SRP72: variants seen among roughly 807,000 people sequenced by gnomAD.
SRP72 encodes signal recognition particle 72.
A neutral mutation model predicts 96.3 loss-of-function variants in SRP72; 49 were observed. That is an observed-to-expected ratio of 0.51 (90% CI 0.40 to 0.65). The LOEUF (loss-of-function observed/expected upper bound fraction) is 0.65, where lower values mean the gene tolerates loss of function less well. SRP72 is among the 30% of genes least tolerant of loss of function. SRP72 has a pLI of 0.00. For missense variants in SRP72, 736 were observed against 793.3 expected, an observed-to-expected ratio of 0.93 and a Z score of 0.87; for synonymous variants, 267 against 275.2, an observed-to-expected ratio of 0.97 and a Z score of 0.30.
intron 3 of SRP72, among the ~76,000 whole-genome samples, chr4:56,473,469 AAG>A (rs1182318888): frequency 6.6e-6 from 1 of 150,390 alleles, no homozygotes; most frequent in African/African-American, 2.4e-5. Flanking sequence ...AAAAAAAAAA[AAG>A]AAAATCAGTT....
intron 3 of SRP72, 127 bp downstream of exon 3, chr4:56,471,970 C>A: frequency 9.0e-7 from 1 of 1,110,722 alleles, no homozygotes; most frequent in Non-Finnish European, 1.3e-6. Flanking sequence ...CAAACCAGTC[C>A]TTAAGGTTTG....
intron 17 of SRP72, 46 bp downstream of exon 17, chr4:56,495,440 T>C: frequency 7.6e-7 from 1 of 1,313,960 alleles, no homozygotes; most frequent in Non-Finnish European, 1.1e-6. Context: ...AAAATAAATG[T>C]TTGATTTTAG....
At chr4:56,498,576 C>T (rs1721157450) in intron 17 of SRP72, among the ~76,000 whole-genome samples, 1 of 152,224 alleles carries the variant, frequency 6.6e-6, no homozygotes, top group South Asian at 2.1e-4. Context: ...AGCAAAGTCT[C>T]AGGACACAAA....
At position 56,490,443 on chromosome 4, in the gene SRP72, T is replaced by G. The variant is rs531602324; in HGVS notation, c.1424+7T>G. On this transcript the variant is annotated splice_region_variant and intron_variant, in intron 14 of 18. Coordinates refer to ENST00000642900, the MANE Select transcript of SRP72 (RefSeq NM_006947.4). ...ACCTACAACAGCTGTGGAAGTAAGC[T>G]CTGAAACGTGGAGTTGTAGAAATAA... 3.7e-6 allele frequency: 6 copies of G among 1,612,586 alleles called. No individual in the cohort carries two copies. The highest frequency in any genetic ancestry group is 1.3e-5 in the African/African-American group (1 of 74,978).
chr4:56,474,639 G>C (rs956174080), intron 5 of SRP72: 22 of 529,192 alleles, frequency 4.2e-5, no homozygotes, highest in African/African-American at 3.5e-4. Flanking sequence ...TGTCTCCCGA[G>C]TTCAAGCAAT....
At chr4:56,469,426 T>C (rs1482942190) in intron 1 of SRP72, among the ~76,000 whole-genome samples, 1 of 152,220 alleles carries the variant, frequency 6.6e-6, no homozygotes, top group East Asian at 1.9e-4. Context: ...TCATTGAAAA[T>C]TTAATCTATA....
chr4:56,479,382 T>A lies in SRP72; in HGVS notation c.825+733T>A, dbSNP rs556548445. On this transcript the variant is annotated intron_variant, in intron 8 of 18. Coordinates refer to ENST00000642900, the MANE Select transcript of SRP72 (RefSeq NM_006947.4). The stretch of plus-strand genomic sequence containing the variant: ...TTTTAGTAGAGACGGGGTTTCACCA[T>A]GTTAGCCAGGATGTTCTCATTCTCC... 1.4e-4 allele frequency among the ~76,000 whole-genome samples: 21 copies of A among 152,240 alleles called. No individual in the cohort carries two copies. The South Asian group carries it at 4.1e-3, about 30-fold the overall frequency.
intron 2 of SRP72, among the ~76,000 whole-genome samples, chr4:56,470,415 C>T (rs891416692): frequency 6.6e-6 from 1 of 151,990 alleles, no homozygotes; most frequent in Non-Finnish European, 1.5e-5. Context: ...TGGTGTGCAC[C>T]TGTATTCCCA....
chr4:56,477,293 C>CAGAG (rs1720271687), intron 6 of SRP72: 2 of 111,766 alleles, frequency 1.8e-5, no homozygotes, highest in Non-Finnish European at 3.6e-5. Flanking sequence ...TTCTCTCTCT[C>CAGAG]TCTCTCTCTT....
At chr4:56,470,903 G>A (rs578049679) in intron 2 of SRP72, among the ~76,000 whole-genome samples, 3 of 147,810 alleles carry the variant, frequency 2.0e-5, no homozygotes, top group East Asian at 2.0e-4. Context: ...CCGGGTTCAC[G>A]CGATTCTCCT....
At chr4:56,479,356 T>C (rs747981834) in intron 8 of SRP72, among the ~76,000 whole-genome samples, 60 of 151,998 alleles carry the variant, frequency 3.9e-4, no homozygotes, top group Non-Finnish European at 6.8e-4. Flanking sequence ...ATTTTTCGTA[T>C]TTTTAGTAGA....
intron 8 of SRP72, among the ~76,000 whole-genome samples, chr4:56,481,255 T>C (rs1720473189): frequency 6.6e-6 from 1 of 152,224 alleles, no homozygotes; most frequent in Admixed American, 6.5e-5. Context: ...CCTTTTTGTC[T>C]TTAAACTGGT....
At chr4:56,501,537 C>A in intron 18 of SRP72, 147 bp from the exon 19 acceptor site, 1 of 640,782 alleles carries the variant, frequency 1.6e-6, no homozygotes, top group Non-Finnish European at 2.7e-6. Context: ...AAAGAAAAGT[C>A]GATAGGGAGT....
intron 6 of SRP72, among the ~76,000 whole-genome samples, chr4:56,478,158 T>C (rs201873049): frequency 1.3e-5 from 2 of 151,428 alleles, no homozygotes; most frequent in Middle Eastern, 3.2e-3. Context: ...CCTTTTCTTT[T>C]TTTTTTTTTT....
At chr4:56,468,648 T>G (rs1382882618) in intron 1 of SRP72, among the ~76,000 whole-genome samples, 1 of 152,166 alleles carries the variant, frequency 6.6e-6, no homozygotes, top group African/African-American at 2.4e-5. Flanking sequence ...CTAAGTAATT[T>G]TCAACACTCT....
intron 17 of SRP72, among the ~76,000 whole-genome samples, chr4:56,495,821 A>G (rs1468578112): frequency 6.6e-6 from 1 of 152,226 alleles, no homozygotes; most frequent in Non-Finnish European, 1.5e-5. Flanking sequence ...TACTGTTTAT[A>G]AAGTTGGCAG....
chr4:56,479,993 A>G (rs1720415912), intron 8 of SRP72, among the ~76,000 whole-genome samples: 1 of 152,224 alleles, frequency 6.6e-6, no homozygotes, highest in Admixed American at 6.5e-5. Flanking sequence ...ATAAGGTCAT[A>G]GCCTACTTCA....
intron 17 of SRP72, among the ~76,000 whole-genome samples, chr4:56,498,099 T>C (rs1164543737): frequency 6.6e-6 from 1 of 152,148 alleles, no homozygotes; most frequent in Non-Finnish European, 1.5e-5. Context: ...AAATATATTT[T>C]TTACTAAATG....
At chr4:56,490,287 AG>A (rs1400539812) in intron 13 of SRP72, 45 bp from the exon 14 acceptor site, 3 of 1,472,538 alleles carry the variant, frequency 2.0e-6, no homozygotes, top group Middle Eastern at 3.7e-4. Flanking sequence ...TGCACTTGCT[AG>A]ATATTTAACT....
Sources: allele counts gnomAD v4.1 joint callset (sites outside exome capture counted in the v4.1 genomes callset), GRCh38; gene constraint gnomAD v4.1.1; transcripts MANE v1.5; gene names NCBI Gene and HGNC (gene_info 2026-07-23, HGNC 2026-07-21).